LRTM3: variants seen among roughly 807,000 people sequenced by gnomAD.
The protein encoded by LRTM3 is leucine-rich repeat transmembrane protein 3.
chr13:102,749,524 G>A, the LRTM3 span: 2 of 1,551,408 alleles, frequency 1.3e-6, no homozygotes, highest in Non-Finnish European at 1.7e-6. Flanking sequence ...CCTCACCTAA[G>A]TGTTCATCAG....
the LRTM3 span, chr13:102,744,786 T>A: frequency 6.4e-7 from 1 of 1,550,692 alleles, no homozygotes; most frequent in Non-Finnish European, 8.7e-7. Context: ...CTAGATCCAC[T>A]TTCCATGTCA....
chr13:102,739,132 A>C, the LRTM3 span: 1 of 1,550,326 alleles, frequency 6.5e-7, no homozygotes, highest in South Asian at 1.2e-5. Context: ...GAATAGAAGC[A>C]CAGAGTTTAT....
At chr13:102,738,797 T>G in the LRTM3 span, 1 of 1,550,400 alleles carries the variant, frequency 6.4e-7, no homozygotes, top group Non-Finnish European at 8.7e-7. Flanking sequence ...GCTCCAAATC[T>G]CAACTTCTTT....
chr13:102,733,205 A>G, the LRTM3 span: 11 of 1,551,228 alleles, frequency 7.1e-6, no homozygotes, highest in African/African-American at 1.5e-4. Flanking sequence ...CTTTTTCATG[A>G]CAATATCTTG....
the LRTM3 span, chr13:102,742,539 T>C: frequency 1.3e-6 from 2 of 1,550,600 alleles, no homozygotes; most frequent in Non-Finnish European, 1.7e-6. Context: ...GATTCTGGAT[T>C]AAACTCTTCT....
At chr13:102,736,397 T>C in the LRTM3 span, 34 of 1,551,020 alleles carry the variant, frequency 2.2e-5, no homozygotes, top group East Asian at 4.9e-5. Context: ...CATCAGGCCA[T>C]GCATGGATAC....
the LRTM3 span, among the ~76,000 whole-genome samples, chr13:102,755,221 C>G: frequency 4.1e-4 from 63 of 151,856 alleles, no homozygotes; most frequent in African/African-American, 1.0e-3. Flanking sequence ...CTCTGCCCCC[C>G]CAGCTACCCC....
the LRTM3 span, chr13:102,747,851 C>A: frequency 6.4e-7 from 1 of 1,551,294 alleles, no homozygotes; most frequent in South Asian, 1.2e-5. Context: ...TGGGGCTTTA[C>A]TACTTCCTGA....
the LRTM3 span, chr13:102,748,601 T>C: frequency 6.4e-7 from 1 of 1,550,880 alleles, no homozygotes; most frequent in Non-Finnish European, 8.7e-7. Context: ...AACAAGTTTC[T>C]GCATAGGTTT....
chr13:102,735,391 G>A, the LRTM3 span: 3 of 1,551,136 alleles, frequency 1.9e-6, no homozygotes, highest in East Asian at 7.3e-5. Context: ...GTGACTGTGG[G>A]AGAGACACTT....
At chr13:102,733,456 G>T in the LRTM3 span, 1 of 1,551,250 alleles carries the variant, frequency 6.4e-7, no homozygotes, top group Non-Finnish European at 8.7e-7. Flanking sequence ...AATTTGCAGG[G>T]GTGCCAAGTG....
the LRTM3 span, among the ~76,000 whole-genome samples, chr13:102,754,229 C>G: frequency 2.0e-5 from 3 of 149,876 alleles, no homozygotes; most frequent in Non-Finnish European, 4.4e-5. Flanking sequence ...AAAAAAAAAC[C>G]CTGAAGCAAA....
the LRTM3 span, chr13:102,747,269 G>T: frequency 1.3e-6 from 2 of 1,549,046 alleles, no homozygotes; most frequent in African/African-American, 2.7e-5. Flanking sequence ...AGACATGGGA[G>T]GGTAAATAAC....
the LRTM3 span, among the ~76,000 whole-genome samples, chr13:102,756,232 G>A: frequency 3.3e-5 from 5 of 150,592 alleles, no homozygotes; most frequent in African/African-American, 7.3e-5. Context: ...GATTACAGGC[G>A]TGAGCCACCG....
chr13:102,733,278 TTGTC>T, the LRTM3 span: 4 of 1,551,376 alleles, frequency 2.6e-6, no homozygotes, highest in Non-Finnish European at 3.5e-6. Flanking sequence ...AGTGATCCCT[TTGTC>T]TGTGGTGCTA....
the LRTM3 span, chr13:102,730,463 A>G: frequency 6.4e-7 from 1 of 1,551,446 alleles, no homozygotes; most frequent in Admixed American, 2.0e-5. Context: ...CCTTAAATCA[A>G]CAGATTCACA....
chr13:102,751,709 C>A, the LRTM3 span, among the ~76,000 whole-genome samples: 4 of 152,090 alleles, frequency 2.6e-5, no homozygotes, highest in South Asian at 2.1e-4. Flanking sequence ...TTTTAAATAA[C>A]CCTCAATCAA....
chr13:102,730,806 C>A, the LRTM3 span: 1 of 1,551,398 alleles, frequency 6.4e-7, no homozygotes, highest in Non-Finnish European at 8.7e-7. Context: ...GTACTTCCAA[C>A]AGGAAGCCCC....
chr13:102,742,675 T>A, the LRTM3 span: 4 of 1,550,762 alleles, frequency 2.6e-6, no homozygotes, highest in Non-Finnish European at 3.5e-6. Flanking sequence ...CAGGTGATTG[T>A]GAAACTGCTG....
Sources: gnomAD v4.1 joint callset for allele counts (sites outside exome capture counted in the v4.1 genomes callset) on GRCh38, gnomAD v4.1.1 for gene constraint, MANE v1.5 for transcripts, NCBI Gene and HGNC (gene_info 2026-07-23, HGNC 2026-07-21) for gene names.